The following IDO2 variants were observed in gnomAD, a reference collection of about 807,000 sequenced individuals.
The protein encoded by IDO2 is indoleamine 2,3-dioxygenase-like 1 protein.
In IDO2, 46 loss-of-function variants were observed where a neutral mutation model predicts 45.1. That is an observed-to-expected ratio of 1.02 (90% CI 0.80 to 1.30). The LOEUF is 1.30. Ranked by LOEUF, IDO2 falls within the 50% of genes most tolerant of loss-of-function variation. IDO2 has a pLI of 0.00. For synonymous variants in IDO2, 218 were observed against 184.9 expected, an observed-to-expected ratio of 1.18 and a Z score of -1.45; for missense variants, 544 against 491.8, an observed-to-expected ratio of 1.11 and a Z score of -1.00.
At chr8:39,937,212 T>C (rs141011684) in intron 1 of IDO2, among the ~76,000 whole-genome samples, 1 of 152,230 alleles carries the variant, frequency 6.6e-6, no homozygotes, top group African/African-American at 2.4e-5. Flanking sequence ...GTGGATACAG[T>C]TGAATGATGG....
At chr8:39,972,860 T>C (rs934849890) in intron 3 of IDO2, among the ~76,000 whole-genome samples, 13 of 152,132 alleles carry the variant, frequency 8.5e-5, no homozygotes, top group African/African-American at 2.9e-4. Flanking sequence ...ATCATTAGCA[T>C]ATTTTAGCAA....
At chr8:39,982,517 T>C (rs1808369450) in intron 4 of IDO2, 135 bp from the exon 5 acceptor site, 1 of 605,984 alleles carries the variant, frequency 1.7e-6, no homozygotes, top group Admixed American at 3.0e-5. Context: ...TGAATGTGCA[T>C]CACTCAGGTA....
exon 11 of IDO2, chr8:40,015,394 C>T (rs755181173): frequency 1.1e-5 from 17 of 1,613,928 alleles, no homozygotes; most frequent in Non-Finnish European, 1.4e-5. Flanking sequence ...TGTGTGCAGG[C>T]CCTGGCAGAG....
At chr8:39,990,717 A>ATG (rs1333522734) in intron 8 of IDO2, among the ~76,000 whole-genome samples, 34 of 152,200 alleles carry the variant, frequency 2.2e-4, no homozygotes, top group African/African-American at 6.3e-4. Context: ...ATTATGGCAC[A>ATG]TGTATTCCCA....
intron 9 of IDO2, among the ~76,000 whole-genome samples, chr8:40,007,535 C>T (rs1008447471): frequency 6.6e-6 from 1 of 151,960 alleles, no homozygotes; most frequent in Non-Finnish European, 1.5e-5. Context: ...TCTCTGTATA[C>T]CTTTGATAGG....
exon 11 of IDO2, chr8:40,016,298 G>A (rs1802386670): frequency 2.5e-6 from 1 of 397,946 alleles, no homozygotes; most frequent in Non-Finnish European, 4.4e-6. Context: ...TTTGTAAAAT[G>A]AATGAATGGA....
exon 5 of IDO2, chr8:39,982,729 A>T: frequency 1.2e-6 from 2 of 1,610,198 alleles, no homozygotes; most frequent in Non-Finnish European, 1.7e-6. Flanking sequence ...TGGTCCACTC[A>T]GACTTGGTGC....
chr8:39,948,748 C>T (rs10085935), intron 1 of IDO2, among the ~76,000 whole-genome samples: 58,878 of 151,924 alleles, frequency 0.39, 11,613 homozygotes, highest in East Asian at 0.57. Context: ...CTCCATTTGG[C>T]TGGAGTAACT....
At chr8:39,986,210 A>T (rs1240022210) in intron 6 of IDO2, 1 of 152,220 alleles carries the variant, frequency 6.6e-6, no homozygotes, top group Non-Finnish European at 1.5e-5. Context: ...GTCTACAGAA[A>T]AATCCCTTCA....
chr8:39,963,374 G>A (rs1170071766), intron 2 of IDO2, among the ~76,000 whole-genome samples: 1 of 152,134 alleles, frequency 6.6e-6, no homozygotes, highest in Non-Finnish European at 1.5e-5. Context: ...ATATTTTACT[G>A]CATTGGCATA....
At chr8:39,938,534 T>C (rs1360006692) in intron 1 of IDO2, among the ~76,000 whole-genome samples, 1 of 151,278 alleles carries the variant, frequency 6.6e-6, no homozygotes, top group Non-Finnish European at 1.5e-5. Context: ...GGTTTGGAGA[T>C]AACTTTTTAT....
chr8:39,989,898 A>G, intron 8 of IDO2, 60 bp downstream of exon 8: 1 of 1,151,650 alleles, frequency 8.7e-7, no homozygotes, highest in Non-Finnish European at 1.2e-6. Context: ...TGCTTAGGGG[A>G]AGAGGGCCTG....
At chr8:39,949,394 G>T (rs1313010743) in intron 2 of IDO2, 130 bp downstream of exon 2, 2 of 646,730 alleles carry the variant, frequency 3.1e-6, no homozygotes, top group Non-Finnish European at 2.6e-6. Flanking sequence ...TGAGAAAGAT[G>T]CTACAAAGAG....
intron 9 of IDO2, among the ~76,000 whole-genome samples, chr8:40,009,103 C>T (rs1446708674): frequency 6.6e-5 from 10 of 152,208 alleles, no homozygotes; most frequent in African/African-American, 2.4e-4. Flanking sequence ...CAACCTCTGC[C>T]TCCCAGGTTC....
intron 5 of IDO2, chr8:39,984,955 G>T (rs1243033260): frequency 4.8e-6 from 2 of 419,562 alleles, no homozygotes; most frequent in Admixed American, 5.5e-5. Context: ...TTTCAGAGAC[G>T]GAGTCTCCCT....
intron 1 of IDO2, among the ~76,000 whole-genome samples, chr8:39,940,324 A>G (rs1020908265): frequency 6.6e-6 from 1 of 152,248 alleles, no homozygotes; most frequent in Non-Finnish European, 1.5e-5. Context: ...TATTTATTGA[A>G]TACCAAACAT....
At chr8:39,957,864 C>T (rs1469916884) in intron 2 of IDO2, among the ~76,000 whole-genome samples, 1 of 152,054 alleles carries the variant, frequency 6.6e-6, no homozygotes, top group Non-Finnish European at 1.5e-5. Context: ...AATATTGTCA[C>T]CCAAGTTTCC....
chr8:39,944,239 A>C (rs988803271), intron 1 of IDO2, among the ~76,000 whole-genome samples: 1 of 149,612 alleles, frequency 6.7e-6, no homozygotes, highest in African/African-American at 2.5e-5. Flanking sequence ...TTCCCCAGTG[A>C]GATCTATGAC....
chr8:39,959,971 T>A (rs1452563843), intron 2 of IDO2, among the ~76,000 whole-genome samples: 1 of 152,000 alleles, frequency 6.6e-6, no homozygotes, highest in South Asian at 2.1e-4. Context: ...AGAGTGAAAC[T>A]GTGTCTCAAT....
Sources: allele counts gnomAD v4.1 joint callset (sites outside exome capture counted in the v4.1 genomes callset), GRCh38; gene constraint gnomAD v4.1.1; transcripts MANE v1.5; gene names NCBI Gene and HGNC (gene_info 2026-07-23, HGNC 2026-07-21).